Variants in POU6F2 observed in about 807,000 individuals in gnomAD.
POU6F2 encodes the protein POU class 6 homeobox 2, also known as POU domain, class 6, transcription factor 2.
POU6F2 carries 31 observed loss-of-function variants against 71.3 expected under a neutral mutation model. The observed-to-expected ratio is 0.43, with a 90% confidence interval of 0.33 to 0.59. The LOEUF is 0.59. POU6F2 is among the 20% of genes least tolerant of loss of function. POU6F2 has a pLI of 0.04. For synonymous variants in POU6F2, 347 were observed against 355.7 expected (o/e 0.98, Z 0.27); for missense variants, 783 against 856.8 (o/e 0.91, Z 1.07).
At chr7:39,222,081 A>G (rs1794375561) in intron 4 of POU6F2, among the ~76,000 whole-genome samples, 1 of 152,224 alleles carries the variant, frequency 6.6e-6, no homozygotes, top group African/African-American at 2.4e-5. Flanking sequence ...GCATCCACAC[A>G]GAATTTGGTT....
chr7:39,094,079 T>C (rs1001530387), intron 2 of POU6F2, among the ~76,000 whole-genome samples: 1 of 152,120 alleles, frequency 6.6e-6, no homozygotes, highest in African/African-American at 2.4e-5. Context: ...CCCTGATAAA[T>C]TTATCAAAAT....
intron 5 of POU6F2, among the ~76,000 whole-genome samples, chr7:39,369,020 G>T (rs760298849): frequency 2.0e-5 from 3 of 152,156 alleles, no homozygotes; most frequent in Non-Finnish European, 2.9e-5. Context: ...TCATGTGACT[G>T]CAATCTCATG....
chr7:39,187,947 C>T (rs559109933), intron 2 of POU6F2, among the ~76,000 whole-genome samples: 7 of 152,304 alleles, frequency 4.6e-5, no homozygotes, highest in African/African-American at 1.4e-4. Flanking sequence ...ACTAAAGTGT[C>T]GCCTTGTTAG....
Position 39,074,153 on chromosome 7 carries a change from A to G in POU6F2, c.106-11707A>G, listed in dbSNP as rs141971911. 1.2e-4 allele frequency among the ~76,000 whole-genome samples: 18 copies of G among 152,322 alleles called. No homozygotes were observed. In the East Asian group the frequency reaches 3.3e-3, roughly 28 times the overall value. On this transcript the variant is annotated intron_variant, in intron 1 of 9. Coordinates refer to ENST00000518318, the MANE Select transcript of POU6F2 (RefSeq NM_001370959.1). ...TGCCTGAGCTCCAGAGTTCGAGACC[A>G]GCCAGGGCAACACAGTGAAGCCCCA...
At chr7:39,406,437 C>T in intron 5 of POU6F2, 163 bp from the exon 6 acceptor site, 1 of 735,250 alleles carries the variant, frequency 1.4e-6, no homozygotes, top group South Asian at 1.9e-5. Context: ...TCCCCCTACC[C>T]CAGAGCTTCC....
rs879166320 is a variant in POU6F2 at position 39,460,668 on chromosome 7, T to G, written c.1611T>G (p.Ala537=). The part of the protein sequence containing the change: ...LGLTQTQVGQ[A]LSATEGPAYS... ...TGACCCAGACTCAGGTGGGACAGGC[T>G]CTCAGTGCTACAGAGGGCCCCGCGT... The change falls in exon 9 of 10, where the codon GCT becomes GCG. Residue 537 remains alanine (A), a synonymous_variant. Transcript: ENST00000518318. This position sits in a 1 kb window ranked among gnomAD's most constrained non-coding sequence, Gnocchi z 4.4. 1.2e-6 allele frequency: 2 copies of G among 1,608,636 alleles called. No homozygotes were observed. The highest frequency in any genetic ancestry group is 1.1e-5 in the South Asian group (1 of 89,886).
chr7:39,086,128 G>A, intron 2 of POU6F2, 97 bp downstream of exon 2: 1 of 1,222,874 alleles, frequency 8.2e-7, no homozygotes, highest in Non-Finnish European at 1.1e-6. Flanking sequence ...TGTTCATTCA[G>A]TTTTCCCGTA....
chr7:39,155,820 G>T (rs1199200088), intron 2 of POU6F2, among the ~76,000 whole-genome samples: 1 of 152,126 alleles, frequency 6.6e-6, no homozygotes, highest in Non-Finnish European at 1.5e-5. Context: ...ATTTTAGCAT[G>T]AAAGTTTTAT....
chr7:39,059,615 T>C (rs1790609843), intron 1 of POU6F2, among the ~76,000 whole-genome samples: 1 of 152,152 alleles, frequency 6.6e-6, no homozygotes, highest in Admixed American at 6.5e-5. Context: ...GGAAAACAGT[T>C]TGACAGTTCC....
intron 1 of POU6F2, among the ~76,000 whole-genome samples, chr7:39,009,878 T>G (rs1264209315): frequency 1.3e-5 from 2 of 151,166 alleles, no homozygotes; most frequent in Non-Finnish European, 3.0e-5. Context: ...GAAGCCCACT[T>G]GATCATGGTG....
intron 4 of POU6F2, among the ~76,000 whole-genome samples, chr7:39,261,497 C>T (rs1245478526): frequency 6.6e-6 from 1 of 152,190 alleles, no homozygotes; most frequent in African/African-American, 2.4e-5. Flanking sequence ...GCATTGTTCT[C>T]ATCCATTTAT....
intron 1 of POU6F2, among the ~76,000 whole-genome samples, chr7:39,011,170 T>C (rs1789271517): frequency 1.4e-5 from 2 of 139,202 alleles, no homozygotes; most frequent in South Asian, 5.3e-4. Flanking sequence ...AGTCTCTTTG[T>C]AGGTCACTCA....
At chr7:39,253,465 A>C (rs1250532213) in intron 4 of POU6F2, among the ~76,000 whole-genome samples, 1 of 152,266 alleles carries the variant, frequency 6.6e-6, no homozygotes, top group Non-Finnish European at 1.5e-5. Context: ...CCTTTATTTA[A>C]TTTTGGTATT....
In POU6F2 at chr7:39,246,905, C is replaced by CTTTTTTT. The variant is rs398004470; in HGVS notation, c.598+39302_598+39308dup. Among the ~76,000 whole-genome samples the CTTTTTTT allele has an allele frequency of 8.7e-3, 678 of 78,098 alleles. 27 individuals are homozygous for CTTTTTTT. The highest frequency in any genetic ancestry group is 0.042 in the Middle Eastern group (4 of 96). 51.2% of individuals were successfully genotyped at this position (78,098 alleles called of 152,430 possible). ...CCAGCTCACCCCAAATCCAGGGTGG[C>CTTTTTTT]TTTTTTTTTTTTTTTTTTTTTTTGC... On this transcript the variant is annotated intron_variant, in intron 4 of 9. Transcript: ENST00000518318.
At chr7:39,005,547 T>C (rs1789039958) in intron 1 of POU6F2, among the ~76,000 whole-genome samples, 1 of 138,428 alleles carries the variant, frequency 7.2e-6, no homozygotes, top group African/African-American at 2.6e-5. Flanking sequence ...CGTGTGTGCG[T>C]GCAGGCATGT....
chr7:38,982,751 T>C (rs2116593020), intron 1 of POU6F2, among the ~76,000 whole-genome samples: 1 of 152,232 alleles, frequency 6.6e-6, no homozygotes, highest in East Asian at 1.9e-4. Context: ...TTAATGAAAC[T>C]CTCTGTACCA....
intron 2 of POU6F2, among the ~76,000 whole-genome samples, chr7:39,144,935 A>G (rs1482850545): frequency 6.6e-6 from 1 of 152,176 alleles, no homozygotes; most frequent in African/African-American, 2.4e-5. Context: ...CAAGTGGCCC[A>G]GGTCATTATT....
chr7:39,068,657 A>T (rs778699411), intron 1 of POU6F2, among the ~76,000 whole-genome samples: 18 of 152,296 alleles, frequency 1.2e-4, no homozygotes, highest in Non-Finnish European at 1.8e-4. Context: ...TATGAAATAA[A>T]TAGCTCAAGA....
chr7:39,088,506 C>T (rs775508693), intron 2 of POU6F2, among the ~76,000 whole-genome samples: 11 of 152,086 alleles, frequency 7.2e-5, no homozygotes, highest in Non-Finnish European at 1.5e-4. Context: ...CCTGATTGTA[C>T]CCTTTACTTG....
Sources: allele counts gnomAD v4.1 joint callset (sites outside exome capture counted in the v4.1 genomes callset), GRCh38; gene constraint gnomAD v4.1.1; non-coding constraint Gnocchi (gnomAD v3.1); transcripts MANE v1.5; gene names NCBI Gene and HGNC (gene_info 2026-07-23, HGNC 2026-07-21).